Variants in ARK2N observed in about 807,000 individuals in gnomAD.
The protein encoded by ARK2N is protein ARK2N.
the ARK2N span, among the ~76,000 whole-genome samples, chr18:46,185,736 C>CA: frequency 6.6e-6 from 1 of 152,156 alleles, no homozygotes; most frequent in Non-Finnish European, 1.5e-5. Context: ...CCTGTAATCC[C>CA]AGTACTTTGT....
At chr18:46,218,961 C>T in the ARK2N span, 5 of 152,148 alleles carry the variant, frequency 3.3e-5, no homozygotes, top group Non-Finnish European at 7.4e-5. Flanking sequence ...AAGGTACAAC[C>T]AATTTAGTAA....
the ARK2N span, among the ~76,000 whole-genome samples, chr18:46,236,834 T>TG: frequency 4.1e-3 from 288 of 70,280 alleles, 2 homozygotes; most frequent in Middle Eastern, 0.047. Flanking sequence ...GCTTCTGTTT[T>TG]TTTTTTGTTG....
the ARK2N span, among the ~76,000 whole-genome samples, chr18:46,243,800 A>G: frequency 1.3e-5 from 2 of 152,210 alleles, no homozygotes; most frequent in Non-Finnish European, 2.9e-5. Flanking sequence ...CACAACCTTT[A>G]TAGTATCTAC....
the ARK2N span, among the ~76,000 whole-genome samples, chr18:46,225,699 C>T: frequency 6.6e-6 from 1 of 152,106 alleles, no homozygotes; most frequent in Non-Finnish European, 1.5e-5. Flanking sequence ...TGACCTCGTG[C>T]TCCGCCCACC....
the ARK2N span, among the ~76,000 whole-genome samples, chr18:46,226,523 A>G: frequency 1.3e-5 from 2 of 152,180 alleles, no homozygotes; most frequent in Non-Finnish European, 1.5e-5. Flanking sequence ...TACCAGTTTA[A>G]TTTTGTTTTC....
At chr18:46,231,138 GCC>G in the ARK2N span, among the ~76,000 whole-genome samples, 3 of 152,110 alleles carry the variant, frequency 2.0e-5, no homozygotes, top group Non-Finnish European at 4.4e-5. Flanking sequence ...TTAATTTAGA[GCC>G]CAACAAGGTC....
At chr18:46,215,903 G>A in the ARK2N span, 3 of 1,612,058 alleles carry the variant, frequency 1.9e-6, no homozygotes, top group Non-Finnish European at 2.5e-6. Flanking sequence ...GAGGCAGTGG[G>A]AAAAGTTGAA....
chr18:46,253,320 G>A, the ARK2N span, among the ~76,000 whole-genome samples: 1 of 152,210 alleles, frequency 6.6e-6, no homozygotes, highest in South Asian at 2.1e-4. Context: ...TCGTTTAAAA[G>A]CTGACTGGAG....
chr18:46,250,509 C>CACACACACACACACACACAG, the ARK2N span, among the ~76,000 whole-genome samples: 1 of 151,672 alleles, frequency 6.6e-6, no homozygotes, highest in Non-Finnish European at 1.5e-5. Flanking sequence ...CACACACACA[C>CACACACACACACACACACAG]ACACACAGTA....
the ARK2N span, among the ~76,000 whole-genome samples, chr18:46,193,507 T>G: frequency 1.3e-5 from 2 of 151,976 alleles, no homozygotes; most frequent in Middle Eastern, 6.8e-3. Flanking sequence ...CAGGCTGGTC[T>G]TGAACTTCTG....
chr18:46,224,770 G>C, the ARK2N span, among the ~76,000 whole-genome samples: 4,363 of 152,286 alleles, frequency 0.029, 192 homozygotes, highest in African/African-American at 0.099. Context: ...TTTGGAATTA[G>C]TGACTTTGAT....
At chr18:46,255,445 C>CTTTTTTTTTTTTTTTTT in the ARK2N span, among the ~76,000 whole-genome samples, 2 of 77,742 alleles carry the variant, frequency 2.6e-5, no homozygotes, top group African/African-American at 1.2e-4. Context: ...CTTTTCTTTT[C>CTTTTTTTTTTTTTTTTT]TTTTTTTTTT....
the ARK2N span, among the ~76,000 whole-genome samples, chr18:46,185,464 T>G: frequency 6.6e-6 from 1 of 152,228 alleles, no homozygotes; most frequent in Non-Finnish European, 1.5e-5. Flanking sequence ...CTTGGATGAT[T>G]ACTAGTATTG....
At chr18:46,246,250 T>G in the ARK2N span, among the ~76,000 whole-genome samples, 8 of 148,384 alleles carry the variant, frequency 5.4e-5, no homozygotes, top group Non-Finnish European at 7.5e-5. Context: ...TGAGGCGGGG[T>G]GGGGAGGGGC....
chr18:46,198,132 T>C, the ARK2N span, among the ~76,000 whole-genome samples: 1 of 151,900 alleles, frequency 6.6e-6, no homozygotes, highest in Non-Finnish European at 1.5e-5. Flanking sequence ...TGAAACACTG[T>C]CTCTACTAAA....
the ARK2N span, among the ~76,000 whole-genome samples, chr18:46,187,508 C>A: frequency 0.017 from 2,642 of 151,856 alleles, 72 homozygotes; most frequent in African/African-American, 0.06. Flanking sequence ...CGCCTGGCTA[C>A]TTTTTGTATT....
the ARK2N span, chr18:46,263,203 A>G: frequency 2.8e-4 from 365 of 1,313,540 alleles, 3 homozygotes; most frequent in African/African-American, 4.3e-3. Flanking sequence ...TCATAGCTTC[A>G]GCTTCAGAAG....
chr18:46,186,447 G>T, the ARK2N span, among the ~76,000 whole-genome samples: 1 of 149,702 alleles, frequency 6.7e-6, no homozygotes, highest in Admixed American at 6.7e-5. Flanking sequence ...TCCTGCCTTG[G>T]TCTCCCAAAG....
At chr18:46,196,906 C>T in the ARK2N span, among the ~76,000 whole-genome samples, 1 of 152,142 alleles carries the variant, frequency 6.6e-6, no homozygotes, top group African/African-American at 2.4e-5. Context: ...CAAGAGTGCC[C>T]TCATGGAATG....
Sources: allele counts gnomAD v4.1 joint callset (sites outside exome capture counted in the v4.1 genomes callset), GRCh38; gene constraint gnomAD v4.1.1; transcripts MANE v1.5; gene names NCBI Gene and HGNC (gene_info 2026-07-23, HGNC 2026-07-21).